CDH2: variants seen among roughly 807,000 people sequenced by gnomAD.
CDH2 encodes the protein cadherin-2.
In CDH2, 17 loss-of-function variants were observed where a neutral mutation model predicts 92.0. The observed-to-expected ratio is 0.18, with a 90% CI of 0.13 to 0.28. The LOEUF (loss-of-function observed/expected upper bound fraction) is 0.28. Ranked by LOEUF, CDH2 falls within the 10% of genes least tolerant of loss-of-function variation. CDH2 has a pLI of 1.00. For missense variants in CDH2, 862 were observed against 1,133.1 expected, an observed-to-expected ratio of 0.76 and a Z score of 3.44; for synonymous variants, 419 against 415.9, an observed-to-expected ratio of 1.01 and a Z score of -0.09.
chr18:27,952,504 A>C, intron 15 of CDH2, 145 bp from the exon 16 acceptor site: 1 of 660,238 alleles, frequency 1.5e-6, no homozygotes, highest in Non-Finnish European at 2.6e-6. Context: ...AACACATGGA[A>C]AAGGGAGATA....
intron 15 of CDH2, among the ~76,000 whole-genome samples, chr18:27,960,605 T>A (rs2011375952): frequency 6.6e-6 from 1 of 152,218 alleles, no homozygotes; most frequent in Non-Finnish European, 1.5e-5. Context: ...AAGTAGGGTA[T>A]ACACACAAAG....
intron 5 of CDH2, among the ~76,000 whole-genome samples, chr18:28,007,732 T>C (rs943180049): frequency 2.0e-5 from 3 of 152,126 alleles, no homozygotes; most frequent in Non-Finnish European, 4.4e-5. Flanking sequence ...GTTTTTGTTT[T>C]TTTTGTGAGA....
At chr18:28,076,689 C>T (rs1009381471) in intron 2 of CDH2, among the ~76,000 whole-genome samples, 1 of 131,044 alleles carries the variant, frequency 7.6e-6, no homozygotes, top group African/African-American at 2.8e-5. Context: ...TTCCCTCCCC[C>T]CTCCCCCCAC....
chr18:28,096,426 A>T lies in CDH2; in HGVS notation c.172+51247T>A, dbSNP rs528727185. Among the ~76,000 whole-genome samples, 8 of 150,256 alleles carry T rather than the reference A, an allele frequency of 5.3e-5. No homozygotes were observed. In the East Asian group the frequency reaches 7.8e-4, roughly 15 times the overall value. On this transcript the variant is annotated intron_variant, in intron 2 of 15. Coordinates refer to ENST00000269141, the MANE Select transcript of CDH2 (RefSeq NM_001792.5). Reference sequence around the variant, plus strand: ...CAAGTTCTTTTTTTTTTTTTTTAACATAACACACAATGATGAAGTAACTAT... The same window carrying T: ...CAAGTTCTTTTTTTTTTTTTTTAACTTAACACACAATGATGAAGTAACTAT...
At chr18:28,162,479 C>G (rs1280448409) in intron 1 of CDH2, among the ~76,000 whole-genome samples, 1 of 152,170 alleles carries the variant, frequency 6.6e-6, no homozygotes, top group Non-Finnish European at 1.5e-5. Context: ...CTCCGAGTCA[C>G]CACCAAGAAG....
chr18:28,063,651 G>C (rs780537114), intron 2 of CDH2, among the ~76,000 whole-genome samples: 1 of 152,166 alleles, frequency 6.6e-6, no homozygotes, highest in Non-Finnish European at 1.5e-5. Context: ...CATAGCTTCA[G>C]GAAGCCATAA....
At chr18:28,120,802 C>T (rs567002738) in intron 2 of CDH2, among the ~76,000 whole-genome samples, 2 of 152,136 alleles carry the variant, frequency 1.3e-5, no homozygotes, top group South Asian at 4.2e-4. Flanking sequence ...CATGGGTCAC[C>T]CCTAGACACA....
chr18:28,083,884 C>A (rs1366072311), intron 2 of CDH2, among the ~76,000 whole-genome samples: 7 of 152,144 alleles, frequency 4.6e-5, no homozygotes, highest in Admixed American at 4.6e-4. Context: ...CAACTCCTCA[C>A]ATTCACATTT....
chr18:27,972,262 C>T (rs2011683448), intron 14 of CDH2, among the ~76,000 whole-genome samples: 1 of 152,158 alleles, frequency 6.6e-6, no homozygotes, highest in South Asian at 2.1e-4. Flanking sequence ...ATTGATTACC[C>T]TTATGTCTTC....
intron 1 of CDH2, among the ~76,000 whole-genome samples, chr18:28,168,985 T>G (rs1051992095): frequency 6.6e-6 from 1 of 152,140 alleles, no homozygotes; most frequent in Non-Finnish European, 1.5e-5. Context: ...TGGATTCTCA[T>G]ATTCAGAATG....
intron 2 of CDH2, among the ~76,000 whole-genome samples, chr18:28,119,323 T>C (rs1181849800): frequency 2.0e-5 from 3 of 152,040 alleles, no homozygotes; most frequent in Non-Finnish European, 4.4e-5. Flanking sequence ...AGGACCACCA[T>C]ATGGGGAGCT....
chr18:27,986,727 A>G (rs1057259862), intron 11 of CDH2, among the ~76,000 whole-genome samples: 1 of 152,198 alleles, frequency 6.6e-6, no homozygotes, highest in African/African-American at 2.4e-5. Flanking sequence ...ACCAACTTCT[A>G]TGAGGAATAT....
chr18:27,991,257 G>A (rs886646896), intron 9 of CDH2, among the ~76,000 whole-genome samples: 1 of 152,064 alleles, frequency 6.6e-6, no homozygotes, highest in African/African-American at 2.4e-5. Flanking sequence ...AGATCTCTTA[G>A]GCTCATAATT....
chr18:28,094,769 G>A (rs1599096401), intron 2 of CDH2, among the ~76,000 whole-genome samples: 4 of 142,408 alleles, frequency 2.8e-5, no homozygotes, highest in African/African-American at 1.0e-4. Context: ...ACTCCAGCCT[G>A]GGCGACAGAG....
chr18:28,007,165 A>AAATATATATATATATAT (rs1172779200), intron 5 of CDH2, among the ~76,000 whole-genome samples: 1 of 110,502 alleles, frequency 9.0e-6, no homozygotes, highest in African/African-American at 4.4e-5. Flanking sequence ...ATAAAAAAAA[A>AAATATATATATATATAT]ATATATATAT....
intron 14 of CDH2, among the ~76,000 whole-genome samples, chr18:27,966,728 T>C (rs1207596037): frequency 6.6e-6 from 1 of 152,230 alleles, no homozygotes; most frequent in Non-Finnish European, 1.5e-5. Flanking sequence ...CATACTTACA[T>C]AATAGCAAAT....
In CDH2 at chr18:27,951,622, G is replaced by GAAA. The variant is rs5823567; in HGVS notation, c.*528_*530dup. 1.4e-5 allele frequency: 2 copies of GAAA among 145,162 alleles called. No homozygotes were observed. The highest frequency in any genetic ancestry group is 1.5e-5 in the Non-Finnish European group (1 of 66,516). The allele number at this position is 145,162 out of a possible 1,614,324, so 9.0% of individuals were successfully genotyped here. A position where few individuals can be genotyped will look rare whatever the true frequency, so the allele number is the denominator to read the frequency against. The stretch of plus-strand genomic sequence containing the variant: ...GCTGAGTAAGTTTTAAGATTTTAGT[G>GAAA]AAAAAAAAAAAAACAAACTAAAGTC... On this transcript the variant is annotated 3_prime_UTR_variant, in exon 16 of 16. Transcript: ENST00000269141.
At chr18:28,142,019 T>C (rs1160129974) in intron 2 of CDH2, among the ~76,000 whole-genome samples, 1 of 152,036 alleles carries the variant, frequency 6.6e-6, no homozygotes, top group Non-Finnish European at 1.5e-5. Context: ...CTATTTCCCT[T>C]CTCTGCTTTA....
chr18:27,963,247 A>C, intron 15 of CDH2, 110 bp downstream of exon 15: 1 of 867,338 alleles, frequency 1.2e-6, no homozygotes, highest in Non-Finnish European at 1.7e-6. Flanking sequence ...AAACACAAGT[A>C]TGTTTTAGTG....
Sources: gnomAD v4.1 joint callset for allele counts (sites outside exome capture counted in the v4.1 genomes callset) on GRCh38, gnomAD v4.1.1 for gene constraint, MANE v1.5 for transcripts, NCBI Gene and HGNC (gene_info 2026-07-23, HGNC 2026-07-21) for gene names.